The following ZNF718 variants were observed in gnomAD, a reference collection of about 807,000 sequenced individuals.
ZNF718 encodes zinc finger protein 718.
ZNF718 carries 3 observed loss-of-function variants against 2.6 expected under a neutral mutation model. That is an observed-to-expected ratio of 1.16 (90% CI 0.53 to 3.01). The LOEUF is 3.01. ZNF718 is among the 30% of genes most tolerant of loss of function. The pLI is 0.03. For missense variants in ZNF718, 468 were observed against 230.0 expected, an observed-to-expected ratio of 2.03 and a Z score of -6.69; for synonymous variants, 135 against 77.9, an observed-to-expected ratio of 1.73 and a Z score of -3.86.
intron 3 of ZNF718, among the ~76,000 whole-genome samples, chr4:191,053 A>AT (rs1377827775): frequency 1.3e-5 from 2 of 149,144 alleles, no homozygotes; most frequent in Admixed American, 6.7e-5. Flanking sequence ...ATATATATAT[A>AT]TTTTTTTCTA....
rs1553815604 is a variant in ZNF718, at chr4:162,085, C to G, written c.1400C>G (p.Pro467Arg). Residue 467 changes from proline to arginine, a missense_variant, in exon 4 of 4, where the codon CCT (proline) becomes CGT (arginine). By Grantham distance (103) the Pro-to-Arg change is moderately radical (BLOSUM62 -2). Coordinates refer to ENST00000510175, the MANE Select transcript of ZNF718 (RefSeq NM_001039127.6). ...GKAFKQYSNL[P>R]QHKRTHTGGK... ...GCTTTTAAGCAGTACTCCAACCTTC[C>G]TCAACATAAGAGAACTCATACTGGA... 2.6e-6 allele frequency: 2 copies of G among 768,942 alleles called. No individual in the cohort carries two copies. The highest frequency in any genetic ancestry group is 3.6e-5 in the Admixed American group (2 of 56,270). The allele number at this position is 768,942 out of a possible 1,614,324, so 47.6% of individuals were successfully genotyped here.
rs1260311087 is a variant in ZNF718 at position 131,994 on chromosome 4, G to A, written c.226+489G>A. Reference sequence around the variant, plus strand: ...CAGGAGTCGGAGCTTGCAGTGAGCCGAGATCGTGCCACTGCACTCCAGCCT... The same window carrying A: ...CAGGAGTCGGAGCTTGCAGTGAGCCAAGATCGTGCCACTGCACTCCAGCCT... On this transcript the variant is annotated intron_variant, in intron 3 of 3. Transcript: ENST00000510175. 1.1e-4 allele frequency among the ~76,000 whole-genome samples: 11 copies of A among 99,066 alleles called. 3 individuals carry two copies. Among genetic ancestry groups the A allele is most frequent in the Non-Finnish European group, 1.8e-4 (8 of 44,836 alleles). The allele number at this position is 99,066 out of a possible 152,430, so 65.0% of individuals were successfully genotyped here.
chr4:169,710 C>A (rs1310915020), intron 3 of ZNF718, among the ~76,000 whole-genome samples: 5 of 152,056 alleles, frequency 3.3e-5, no homozygotes, highest in African/African-American at 1.2e-4. Flanking sequence ...CTTGGTAGAT[C>A]TTCATCCCTT....
At chr4:171,631 G>C (rs1480181488) in intron 3 of ZNF718, among the ~76,000 whole-genome samples, 2 of 152,204 alleles carry the variant, frequency 1.3e-5, no homozygotes, top group Admixed American at 1.3e-4. Flanking sequence ...GTGGGTGTAG[G>C]ACCCTCTGAG....
downstream of ZNF718, among the ~76,000 whole-genome samples, chr4:165,429 G>C (rs1371405457): frequency 6.6e-6 from 1 of 152,178 alleles, no homozygotes; most frequent in Admixed American, 6.5e-5. Flanking sequence ...ATCAATATGA[G>C]TGGGTTGCAT....
chr4:134,363 G>A (rs1715465797), intron 3 of ZNF718, among the ~76,000 whole-genome samples: 1 of 152,118 alleles, frequency 6.6e-6, no homozygotes, highest in Non-Finnish European at 1.5e-5. Context: ...AGCCAGGATG[G>A]TCTCTATCTG....
intron 3 of ZNF718, among the ~76,000 whole-genome samples, chr4:188,852 A>G (rs1717625551): frequency 6.6e-6 from 1 of 152,114 alleles, no homozygotes; most frequent in East Asian, 1.9e-4. Context: ...GGTCCTCAAA[A>G]TCTATCCTTA....
intron 3 of ZNF718, among the ~76,000 whole-genome samples, chr4:171,170 G>T (rs1717217392): frequency 6.6e-6 from 1 of 152,188 alleles, no homozygotes; most frequent in Non-Finnish European, 1.5e-5. Context: ...GGATATTGGT[G>T]AACAGCAGAT....
At chr4:139,570 C>T (rs547436403) in intron 3 of ZNF718, among the ~76,000 whole-genome samples, 5 of 152,354 alleles carry the variant, frequency 3.3e-5, no homozygotes, top group Non-Finnish European at 5.9e-5. Context: ...TGAGCCCCTA[C>T]GCTTGGGCTT....
chr4:190,429 CAA>C (rs368848803), intron 3 of ZNF718, among the ~76,000 whole-genome samples: 4 of 49,100 alleles, frequency 8.1e-5, no homozygotes, highest in Admixed American at 4.4e-4. Context: ...AACTCCATCT[CAA>C]AAAAAAAAAA....
chr4:141,053 A>T (rs1333959333), intron 3 of ZNF718, among the ~76,000 whole-genome samples: 1 of 152,216 alleles, frequency 6.6e-6, no homozygotes, highest in African/African-American at 2.4e-5. Flanking sequence ...TCTCTTCTAA[A>T]GTTGCGGAAT....
chr4:154,081 C>T (rs1553813139), intron 3 of ZNF718, among the ~76,000 whole-genome samples: 2 of 152,136 alleles, frequency 1.3e-5, no homozygotes, highest in African/African-American at 4.8e-5. Context: ...CTCAGGAGAT[C>T]TGATAATTTT....
chr4:177,810 C>T (rs1717381092), intron 3 of ZNF718, among the ~76,000 whole-genome samples: 1 of 151,936 alleles, frequency 6.6e-6, no homozygotes, highest in African/African-American at 2.4e-5. Context: ...ACGGAAGACC[C>T]ACAGTGCCCC....
intron 3 of ZNF718, among the ~76,000 whole-genome samples, chr4:173,776 C>G (rs1717291831): frequency 6.6e-6 from 1 of 152,154 alleles, no homozygotes; most frequent in African/African-American, 2.4e-5. Context: ...AGGGCCACCA[C>G]CTGCAGAGTC....
At chr4:159,374 A>G (rs1389650592) in intron 3 of ZNF718, among the ~76,000 whole-genome samples, 3 of 148,660 alleles carry the variant, frequency 2.0e-5, no homozygotes, top group African/African-American at 7.3e-5. Context: ...TTACAATTCC[A>G]TGACATCTGG....
At chr4:124,490 G>T, upstream of ZNF718, 1 of 760,294 alleles carries the variant, frequency 1.3e-6, no homozygotes, top group Non-Finnish European at 2.2e-6. Flanking sequence ...GCGGCATCCG[G>T]GATCTGGCGC....
At chr4:201,569 TA>T (rs1717901383) in intron 4 of ZNF718, 1 of 154,952 alleles carries the variant, frequency 6.5e-6, no homozygotes, top group Non-Finnish European at 1.4e-5. Context: ...TTTATTTAGG[TA>T]AAAGTGTATT....
At chr4:187,903 G>A (rs1717600602) in intron 3 of ZNF718, among the ~76,000 whole-genome samples, 1 of 152,172 alleles carries the variant, frequency 6.6e-6, no homozygotes. Context: ...CCCATCCCAG[G>A]GAGAAATTAG....
chr4:137,686 C>T (rs930316696), intron 3 of ZNF718, among the ~76,000 whole-genome samples: 3 of 152,016 alleles, frequency 2.0e-5, no homozygotes, highest in Non-Finnish European at 4.4e-5. Flanking sequence ...AATCATATTA[C>T]TTACTCTTTG....
Sources: allele counts gnomAD v4.1 joint callset (sites outside exome capture counted in the v4.1 genomes callset), GRCh38; gene constraint gnomAD v4.1.1; transcripts MANE v1.5; gene names NCBI Gene and HGNC (gene_info 2026-07-23, HGNC 2026-07-21).